The following VWF variants were observed in gnomAD, a reference collection of about 807,000 sequenced individuals.
VWF encodes the protein von Willebrand factor, also known as Factor VIII related antigen.
In VWF, 176 loss-of-function variants were observed where a neutral mutation model predicts 308.6. The observed-to-expected ratio is 0.57, with a 90% CI of 0.50 to 0.65. The LOEUF (loss-of-function observed/expected upper bound fraction) is 0.65, where lower values mean the gene tolerates loss of function less well. Ranked by LOEUF, VWF falls within the 30% of genes least tolerant of loss-of-function variation. The pLI, the probability that VWF is intolerant of heterozygous loss-of-function variation, is 0.00. For missense variants in VWF, 3,146 were observed against 3,648.2 expected (o/e 0.86, Z 3.55); for synonymous variants, 1,385 against 1,443.4 (o/e 0.96, Z 0.92).
At chr12:6,005,606 A>T (rs965521065) in intron 34 of VWF, among the ~76,000 whole-genome samples, 10 of 152,236 alleles carry the variant, frequency 6.6e-5, no homozygotes, top group African/African-American at 2.4e-4. Context: ...CAAAAACAGA[A>T]TTTTGAAAGC....
At chr12:6,070,107 C>T (rs968855255) in intron 10 of VWF, among the ~76,000 whole-genome samples, 5 of 152,240 alleles carry the variant, frequency 3.3e-5, no homozygotes, top group African/African-American at 1.2e-4. Flanking sequence ...ATTGCAGCAA[C>T]TCATATGTCT....
chr12:5,960,489 G>A (rs2031762941), intron 47 of VWF, among the ~76,000 whole-genome samples: 1 of 152,010 alleles, frequency 6.6e-6, no homozygotes, highest in Non-Finnish European at 1.5e-5. Flanking sequence ...ATATTTTGTT[G>A]GATCTAGCAT....
At position 6,016,263 on chromosome 12, in the gene VWF, A is replaced by T. The variant is rs780441714; in HGVS notation, c.5312-31T>A. ...GATGGAGAACAGATCACGCCAAGTCAGTACTGACTGCGGCTCGACACCCTG... is the reference window on the plus strand; with the variant it reads ...GATGGAGAACAGATCACGCCAAGTCTGTACTGACTGCGGCTCGACACCCTG... On this transcript the variant is annotated intron_variant, in intron 30 of 51. Coordinates refer to ENST00000261405, the MANE Select transcript of VWF (RefSeq NM_000552.5). 6.2e-6 allele frequency: 10 copies of T among 1,614,242 alleles called. No homozygotes were observed. In the East Asian group the frequency reaches 2.2e-4, roughly 36 times the overall value.
At position 6,019,089 on chromosome 12, in the gene VWF, C is replaced by G; in HGVS notation, c.4329G>C (p.Val1443=). ...CGTCCCTTTGCTGCTCCAGCTCATCCACACTGCTCAGCACGAAGGCCTTGT... is the reference window on the plus strand; with the variant it reads ...CGTCCCTTTGCTGCTCCAGCTCATCGACACTGCTCAGCACGAAGGCCTTGT... ...PENKAFVLSS[V]DELEQQRDEI... The change falls in exon 28 of 52, where the codon GTG becomes GTC. Residue 1443 remains valine, a synonymous_variant. Transcript: ENST00000261405. The surrounding 1 kb of genome is among the most constrained non-coding windows in gnomAD (Gnocchi z 5.8). The G allele has an allele frequency of 6.2e-7, 1 of 1,613,860 alleles. No individual in the cohort carries two copies. The highest frequency in any genetic ancestry group is 1.7e-5 in the Admixed American group (1 of 60,010).
rs747165661 is a variant in VWF at position 5,981,826 on chromosome 12, T to C, written c.7247A>G (p.Asn2416Ser). The change falls in exon 42 of 52, where the codon AAT (asparagine) becomes AGT (serine). Residue 2416 changes from asparagine (N) to serine (S), a missense_variant. By Grantham distance (46) the Asn-to-Ser change is conservative. Around this residue, in one of 3 missense-constraint regions of VWF, gnomAD observed 989 missense variants for 1,117.4 expected, o/e 0.89. Coordinates refer to ENST00000261405, the MANE Select transcript of VWF (RefSeq NM_000552.5). Reference protein sequence around the residue: ...PLGYLASTATNDCGCTTTTCL... With the variant: ...PLGYLASTATSDCGCTTTTCL... Reference sequence around the variant, plus strand: ...GGTGGTTGTGGTACAGCCACAGTCATTGGTGGCAGTTGAGGCCAAGTACCC... The same window carrying C: ...GGTGGTTGTGGTACAGCCACAGTCACTGGTGGCAGTTGAGGCCAAGTACCC... 10 of 1,614,122 alleles carry C rather than the reference T, an allele frequency of 6.2e-6. No homozygotes were observed. In the South Asian group the frequency reaches 6.6e-5, roughly 11 times the overall value.
intron 2 of VWF, 149 bp from the exon 3 acceptor site, chr12:6,121,487 CTGTT>C: frequency 1.0e-6 from 1 of 975,098 alleles, no homozygotes; most frequent in Non-Finnish European, 1.6e-6. Flanking sequence ...GAGACTAAAG[CTGTT>C]GCTTTCAGCT....
chr12:6,046,656 GC>G lies in VWF; in HGVS notation c.2281+66del. On this transcript the variant is annotated intron_variant, in intron 17 of 51. Coordinates refer to ENST00000261405, the MANE Select transcript of VWF (RefSeq NM_000552.5). The surrounding 1 kb of genome is among the most constrained non-coding windows in gnomAD (Gnocchi z 5.0). ...TGACGGTGTCACCCAGCTCTCTCCCGCCATTCCACACGTGAGGAATCTGGGC... is the reference window on the plus strand; with the variant it reads ...TGACGGTGTCACCCAGCTCTCTCCCGCATTCCACACGTGAGGAATCTGGGC... 6.8e-7 allele frequency: 1 copy of G among 1,468,664 alleles called. No homozygotes were observed. Among genetic ancestry groups the G allele is most frequent in the Non-Finnish European group, 9.5e-7 (1 of 1,048,216 alleles). 91.0% of individuals were successfully genotyped at this position (1,468,664 alleles called of 1,614,324 possible). A position where few individuals can be genotyped will look rare whatever the true frequency, so the allele number is the denominator to read the frequency against.
chr12:5,998,148 A>C lies in VWF; in HGVS notation c.5843-1926T>G, dbSNP rs1202217787. ...CTAAAGTGAATTGTTAGCAAAACAC[A>C]AATGTTCAAAAAGACGTCCAGGTAG... is the stretch of plus-strand genomic sequence containing the variant. On this transcript the variant is annotated intron_variant, in intron 34 of 51. Transcript: ENST00000261405. Among the ~76,000 whole-genome samples the C allele has an allele frequency of 3.3e-5, 5 of 152,156 alleles. No homozygotes were observed. In the East Asian group the frequency reaches 9.6e-4, roughly 29 times the overall value.
At chr12:6,029,135 C>T (rs148874377) in intron 22 of VWF, among the ~76,000 whole-genome samples, 21 of 151,286 alleles carry the variant, frequency 1.4e-4, no homozygotes, top group African/African-American at 4.8e-4. Context: ...ATAAAACAGT[C>T]TTTGAACCAA....
Position 6,072,389 on chromosome 12 carries a change from C to A in VWF, c.1051G>T (p.Val351Leu). The A allele has an allele frequency of 1.2e-6, 2 of 1,614,102 alleles. No homozygotes were observed. The highest frequency in any genetic ancestry group is 1.7e-6 in the Non-Finnish European group (2 of 1,180,028). ...GGAGGGTAGCGCTTTCCGGAATGCA[C>A]GCAGGGACACTCGGTGCTCTCCACG... ...LCVESTECPC[V>L]HSGKRYPPGT... Residue 351 changes from valine to leucine, a missense_variant, in exon 9 of 52, where the codon GTG becomes TTG. Coordinates refer to ENST00000261405, the MANE Select transcript of VWF (RefSeq NM_000552.5).
chr12:6,019,010 G>A lies in VWF; in HGVS notation c.4408C>T (p.Pro1470Ser), dbSNP rs761625938. The change falls in exon 28 of 52, where the codon CCC (proline) becomes TCC (serine). Residue 1470 changes from proline to serine, a missense_variant. Pro to Ser is a moderately conservative substitution (Grantham distance 74). Coordinates refer to ENST00000261405, the MANE Select transcript of VWF (RefSeq NM_000552.5). This position sits in a 1 kb window ranked among gnomAD's most constrained non-coding sequence, Gnocchi z 5.8. Reference protein sequence around the residue: ...LAPEAPPPTLPPDMAQVTVGP... With the variant: ...LAPEAPPPTLSPDMAQVTVGP... ...ACAGTGACTTGTGCCATGTCGGGGG[G>A]CAGAGTAGGAGGAGGGGCTTCAGGG... is the stretch of plus-strand genomic sequence containing the variant. 3 of 1,613,934 alleles carry A rather than the reference G, an allele frequency of 1.9e-6. No homozygotes were observed. The highest frequency in any genetic ancestry group is 2.5e-6 in the Non-Finnish European group (3 of 1,179,864).
At position 6,016,561 on chromosome 12, in the gene VWF, T is replaced by C. The variant is rs756915371; in HGVS notation, c.5266A>G (p.Ser1756Gly). Residue 1756 changes from serine (S) to glycine (G), a missense_variant, in exon 30 of 52, where the codon AGC (serine) becomes GGC (glycine). Physicochemically the swap from Ser to Gly is moderately conservative, Grantham distance 56. Around this residue, in one of 3 missense-constraint regions of VWF, gnomAD observed 853 missense variants for 1,177.8 expected, o/e 0.72. Transcript: ENST00000261405. ...NVVPEKAHLL[S>G]LVDVMQREGG... ...TCCCGCTGCATGACGTCCACAAGGCTCAGCAAATGGGCTTTCTCCGGGACC... is the reference window on the plus strand; with the variant it reads ...TCCCGCTGCATGACGTCCACAAGGCCCAGCAAATGGGCTTTCTCCGGGACC... 3.1e-6 allele frequency: 5 copies of C among 1,614,052 alleles called. No individual in the cohort carries two copies. The highest frequency in any genetic ancestry group is 4.2e-6 in the Non-Finnish European group (5 of 1,180,044).
chr12:6,032,186 T>C (rs896259631), intron 20 of VWF, among the ~76,000 whole-genome samples: 10 of 152,156 alleles, frequency 6.6e-5, no homozygotes, highest in African/African-American at 2.2e-4. Context: ...GTGGCTATTA[T>C]TGTGATGTGA....
chr12:6,049,275 AAAGAC>A (rs1274545187), intron 16 of VWF, among the ~76,000 whole-genome samples: 1 of 152,208 alleles, frequency 6.6e-6, no homozygotes, highest in Non-Finnish European at 1.5e-5. Context: ...AATGAAGTGG[AAAGAC>A]AAGCTGCTGA....
Position 6,103,451 on chromosome 12 carries a change from T to C in VWF, c.532+6923A>G, listed in dbSNP as rs191499867. On this transcript the variant is annotated intron_variant, in intron 5 of 51. Transcript: ENST00000261405. ...ACACACGTGTGTATATACATACACA[T>C]ATATGTGTATATACACATATGTGTG... Among the ~76,000 whole-genome samples the C allele has an allele frequency of 1.8e-3, 172 of 95,996 alleles. 2 individuals are homozygous for C. In the East Asian group the frequency reaches 0.041, roughly 23 times the overall value. 63.0% of individuals were successfully genotyped at this position (95,996 alleles called of 152,430 possible).
intron 34 of VWF, among the ~76,000 whole-genome samples, chr12:6,007,877 G>A (rs1006886783): frequency 6.6e-6 from 1 of 152,060 alleles, no homozygotes; most frequent in Non-Finnish European, 1.5e-5. Flanking sequence ...ACAATTGATA[G>A]CGCAGAAATA....
chr12:6,034,814 G>A lies in VWF; in HGVS notation c.2559C>T (p.Asp853=), dbSNP rs941911613. The A allele has an allele frequency of 1.2e-6, 2 of 1,614,212 alleles. No individual in the cohort carries two copies. The highest frequency in any genetic ancestry group is 1.3e-5 in the African/African-American group (1 of 75,068). ...KIGCNTCVCQ[D]RKWNCTDHVC... ...CATGGTCTGTGCAGTTCCACTTCCG[G>A]TCCTGACAGACACTAGGAGCAGTCA... The change falls in exon 20 of 52, where the codon GAC becomes GAT. Residue 853 remains aspartate (D), a synonymous_variant. Coordinates refer to ENST00000261405, the MANE Select transcript of VWF (RefSeq NM_000552.5).
At chr12:5,993,153 C>T (rs1323793527) in intron 37 of VWF, among the ~76,000 whole-genome samples, 1 of 152,234 alleles carries the variant, frequency 6.6e-6, no homozygotes, top group South Asian at 2.1e-4. Context: ...CAGGCATGTA[C>T]ATATTGATTT....
intron 11 of VWF, 94 bp from the exon 12 acceptor site, chr12:6,064,478 C>G (rs1031495920): frequency 1.9e-5 from 30 of 1,554,146 alleles, no homozygotes; most frequent in African/African-American, 1.2e-4. Flanking sequence ...GGCCTCAACC[C>G]GAGAGCCTCT....
Sources: gnomAD v4.1 joint callset for allele counts (sites outside exome capture counted in the v4.1 genomes callset) on GRCh38, gnomAD v4.1.1 for gene constraint, gnomAD v4.1.1 regional missense constraint, Gnocchi (gnomAD v3.1) non-coding constraint, MANE v1.5 for transcripts, NCBI Gene and HGNC (gene_info 2026-07-23, HGNC 2026-07-21) for gene names.